The following CFAP20DC variants were observed in gnomAD, a reference collection of about 807,000 sequenced individuals.
CFAP20DC encodes the protein protein CFAP20DC.
In CFAP20DC, 84 loss-of-function variants were observed where a neutral mutation model predicts 101.7. That is an observed-to-expected ratio of 0.83 (90% CI 0.69 to 0.99). The LOEUF is 0.99. CFAP20DC is among the 50% of genes least tolerant of loss of function. The probability of loss-of-function intolerance (pLI) is 0.00; values close to 1 mark genes in which losing one functional copy is unlikely to be tolerated. For synonymous variants in CFAP20DC, 359 were observed against 351.2 expected (o/e 1.02, Z -0.25); for missense variants, 1,007 against 970.3 (o/e 1.04, Z -0.50).
At chr3:58,959,973 G>C (rs1051488994) in intron 4 of CFAP20DC, among the ~76,000 whole-genome samples, 1 of 152,038 alleles carries the variant, frequency 6.6e-6, no homozygotes, top group Non-Finnish European at 1.5e-5. Flanking sequence ...TAAATTTTCT[G>C]GTTTTTTTTC....
chr3:58,995,645 C>T (rs1366036605), intron 4 of CFAP20DC, among the ~76,000 whole-genome samples: 3 of 151,946 alleles, frequency 2.0e-5, no homozygotes, highest in Admixed American at 6.6e-5. Context: ...TGTTTTTGGC[C>T]GAGATTAACA....
chr3:58,862,199 T>C (rs1201934760), intron 12 of CFAP20DC: 2 of 983,306 alleles, frequency 2.0e-6, no homozygotes, highest in Non-Finnish European at 2.4e-6. Flanking sequence ...TGCTTTTGCA[T>C]TAGTAAGAGA....
At chr3:58,793,045 T>G (rs2107644810) in intron 15 of CFAP20DC, among the ~76,000 whole-genome samples, 1 of 152,236 alleles carries the variant, frequency 6.6e-6, no homozygotes, top group Middle Eastern at 3.4e-3. Context: ...TAATAGAGAA[T>G]GGCCCAAAAT....
chr3:58,894,969 G>A lies in CFAP20DC; in HGVS notation c.551-10260C>T, dbSNP rs889650336. ...AAGCCATGGCCTAAGCTCTATGTTG[G>A]CCCCTTGTAGCCATGGCTGGAGCAG... On this transcript the variant is annotated intron_variant, in intron 6 of 16. Transcript: ENST00000482387. This position sits in a 1 kb window ranked among gnomAD's most constrained non-coding sequence, Gnocchi z 4.1. 3.3e-5 allele frequency among the ~76,000 whole-genome samples: 5 copies of A among 152,350 alleles called. No homozygotes were observed. The highest frequency in any genetic ancestry group is 3.3e-4 in the Admixed American group (5 of 15,306).
chr3:58,817,196 A>C (rs955517569), intron 14 of CFAP20DC, among the ~76,000 whole-genome samples: 5 of 152,010 alleles, frequency 3.3e-5, no homozygotes, highest in Non-Finnish European at 1.5e-5. Context: ...GGGAAAAAAC[A>C]GAACAGAAAA....
chr3:58,856,720 T>C (rs894763267), intron 12 of CFAP20DC, among the ~76,000 whole-genome samples: 10 of 152,208 alleles, frequency 6.6e-5, no homozygotes, highest in African/African-American at 2.4e-4. Context: ...TTAGTCTTTG[T>C]CTAGAGAAGA....
rs138500514 is a variant in CFAP20DC at position 59,030,100 on chromosome 3, T to C, written c.278+9457A>G. ...TTCTTGATGTATAAATGTATCTTTGTGAAACAAAATGCCTCTCCCATTCTG... is the reference window on the plus strand; with the variant it reads ...TTCTTGATGTATAAATGTATCTTTGCGAAACAAAATGCCTCTCCCATTCTG... On this transcript the variant is annotated intron_variant, in intron 4 of 16. Transcript: ENST00000482387. Among the ~76,000 whole-genome samples the C allele has an allele frequency of 2.2e-4, 33 of 152,322 alleles. No homozygotes were observed. In the Middle Eastern group the frequency reaches 0.014, roughly 63 times the overall value.
chr3:58,981,920 A>G (rs1015004957), intron 4 of CFAP20DC, among the ~76,000 whole-genome samples: 3 of 152,208 alleles, frequency 2.0e-5, no homozygotes, highest in Non-Finnish European at 4.4e-5. Context: ...GTGAACAGGC[A>G]ACCTACAAAA....
At chr3:58,898,444 A>G (rs2082858428) in intron 6 of CFAP20DC, among the ~76,000 whole-genome samples, 1 of 152,076 alleles carries the variant, frequency 6.6e-6, no homozygotes, top group South Asian at 2.1e-4. Context: ...CAAAGTGCTG[A>G]GATTATAGGT....
At chr3:59,027,258 C>A (rs1165673493) in intron 4 of CFAP20DC, among the ~76,000 whole-genome samples, 1 of 152,190 alleles carries the variant, frequency 6.6e-6, no homozygotes, top group Non-Finnish European at 1.5e-5. Flanking sequence ...ATGAGGTACA[C>A]TTTCAGGGTT....
At position 58,884,636 on chromosome 3, in the gene CFAP20DC, A is replaced by G; in HGVS notation, c.624T>C (p.Asp208=). 1.2e-6 allele frequency: 2 copies of G among 1,613,990 alleles called. No homozygotes were observed. Among genetic ancestry groups the G allele is most frequent in the South Asian group, 1.1e-5 (1 of 91,078 alleles). Residue 208 remains aspartate (D), a synonymous_variant, in exon 7 of 17, where the codon GAT becomes GAC. Transcript: ENST00000482387. ...IIPRSCQLMT[D]VPHVTQLLNM... Reference sequence around the variant, plus strand: ...TTAGCAGCTGTGTGACATGTGGAACATCTGTCATTAGTTGACAGCTTCGTG... The same window carrying G: ...TTAGCAGCTGTGTGACATGTGGAACGTCTGTCATTAGTTGACAGCTTCGTG...
At chr3:58,856,574 T>G (rs972657415) in intron 12 of CFAP20DC, among the ~76,000 whole-genome samples, 1 of 152,198 alleles carries the variant, frequency 6.6e-6, no homozygotes, top group Non-Finnish European at 1.5e-5. Flanking sequence ...TTCATATGGT[T>G]GAAGAACTCT....
intron 5 of CFAP20DC, among the ~76,000 whole-genome samples, chr3:58,916,436 C>T (rs535801843): frequency 3.3e-5 from 5 of 151,926 alleles, no homozygotes; most frequent in African/African-American, 7.2e-5. Flanking sequence ...ATCATGGTCA[C>T]GCTCCTTTTA....
At chr3:58,750,499 T>C (rs2068493572) in intron 16 of CFAP20DC, among the ~76,000 whole-genome samples, 2 of 152,200 alleles carry the variant, frequency 1.3e-5, no homozygotes, top group Non-Finnish European at 2.9e-5. Context: ...TATTATTATT[T>C]ATATCCTAGA....
chr3:58,837,322 A>G (rs1335478613), intron 13 of CFAP20DC, among the ~76,000 whole-genome samples: 2 of 152,330 alleles, frequency 1.3e-5, no homozygotes, highest in East Asian at 3.9e-4. Flanking sequence ...TGATATAATC[A>G]CACAGTGGAA....
At chr3:58,757,465 T>C (rs1290994808) in intron 15 of CFAP20DC, among the ~76,000 whole-genome samples, 1 of 150,844 alleles carries the variant, frequency 6.6e-6, no homozygotes, top group Non-Finnish European at 1.5e-5. Flanking sequence ...TATCTTTCCC[T>C]CACTTTATAG....
intron 4 of CFAP20DC, among the ~76,000 whole-genome samples, chr3:58,968,900 G>C (rs991788204): frequency 6.6e-6 from 1 of 152,112 alleles, no homozygotes; most frequent in Non-Finnish European, 1.5e-5. Flanking sequence ...TGTAAGGAAG[G>C]GGTTCAGCTT....
Position 58,912,867 on chromosome 3 carries a change from T to A in CFAP20DC, c.550+841A>T, listed in dbSNP as rs2084295217. The A allele has an allele frequency of 2.5e-6, 1 of 399,152 alleles. No homozygotes were observed. The highest frequency in any genetic ancestry group is 2.1e-5 in the African/African-American group (1 of 47,752). The allele number at this position is 399,152 out of a possible 1,614,324, so 24.7% of individuals were successfully genotyped here. ...TTGATCACTAGAAAATTAATATGAT[T>A]TCTCCCAAATGACTTCCTGAAATGT... On this transcript the variant is annotated intron_variant, in intron 6 of 16. Coordinates refer to ENST00000482387, the MANE Select transcript of CFAP20DC (RefSeq NM_001394063.1). The surrounding 1 kb of genome is among the most constrained non-coding windows in gnomAD (Gnocchi z 4.4).
chr3:58,804,427 A>G (rs2073917782), intron 15 of CFAP20DC, among the ~76,000 whole-genome samples: 1 of 145,534 alleles, frequency 6.9e-6, no homozygotes, highest in South Asian at 2.2e-4. Context: ...CAGTTGTGTG[A>G]TCTCGGCCCA....
Sources: allele counts gnomAD v4.1 joint callset (sites outside exome capture counted in the v4.1 genomes callset), GRCh38; gene constraint gnomAD v4.1.1; non-coding constraint Gnocchi (gnomAD v3.1); transcripts MANE v1.5; gene names NCBI Gene and HGNC (gene_info 2026-07-23, HGNC 2026-07-21).